Variants in ITIH2 observed in about 807,000 individuals in gnomAD.
ITIH2 encodes the protein inter-alpha-trypsin inhibitor heavy chain 2.
Under a neutral mutation model 104.4 loss-of-function variants are expected in ITIH2, and 103 were observed. That is an observed-to-expected ratio of 0.99 (90% confidence interval 0.84 to 1.16). The LOEUF (loss-of-function observed/expected upper bound fraction) is 1.16. Ranked by LOEUF, ITIH2 falls within the 50% of genes most tolerant of loss-of-function variation. The pLI is 0.00. For synonymous variants in ITIH2, 436 were observed against 435.4 expected (o/e 1.00, Z -0.02); for missense variants, 1,108 against 1,162.4 (o/e 0.95, Z 0.68).
At chr10:7,713,927 G>C (rs941961891) in intron 5 of ITIH2, among the ~76,000 whole-genome samples, 3 of 151,956 alleles carry the variant, frequency 2.0e-5, no homozygotes, top group African/African-American at 7.3e-5. Context: ...GGCCTCAAGC[G>C]ATCCTCCCAT....
At position 7,730,112 on chromosome 10, in the gene ITIH2, G is replaced by A. The variant is rs1834987809; in HGVS notation, c.1440G>A (p.Gln480=). The A allele has an allele frequency of 1.3e-6, 2 of 1,599,890 alleles. No homozygotes were observed. The highest frequency in any genetic ancestry group is 1.3e-5 in the African/African-American group (1 of 74,134). ...TTGCACAAAGGATTTATGGAAACCA[G>A]GACACGTCTTCCCAGCTTAAGGTAA... ...HGIAQRIYGN[Q]DTSSQLKKFY... Residue 480 remains glutamine, a synonymous_variant, in exon 12 of 21, where the codon CAG becomes CAA. Coordinates refer to ENST00000358415, the MANE Select transcript of ITIH2 (RefSeq NM_002216.3).
chr10:7,739,210 C>G (rs1246458405), intron 16 of ITIH2, among the ~76,000 whole-genome samples: 1 of 152,196 alleles, frequency 6.6e-6, no homozygotes, highest in East Asian at 1.9e-4. Flanking sequence ...GAGAGCGTCT[C>G]CTCTCCTGTT....
chr10:7,710,920 C>CTT (rs58634403), intron 4 of ITIH2, among the ~76,000 whole-genome samples: 15,992 of 145,734 alleles, frequency 0.11, 919 homozygotes, highest in Admixed American at 0.18. Context: ...TGTTTTCCTT[C>CTT]TTTTTTTTTT....
At position 7,727,698 on chromosome 10, in the gene ITIH2, A is replaced by C; in HGVS notation, c.1154-5A>C. The C allele has an allele frequency of 6.2e-7, 1 of 1,613,966 alleles. No homozygotes were observed. The highest frequency in any genetic ancestry group is 8.5e-7 in the Non-Finnish European group (1 of 1,179,894). On this transcript the variant is annotated splice_region_variant and splice_polypyrimidine_tract_variant and intron_variant, in intron 10 of 20. Coordinates refer to ENST00000358415, the MANE Select transcript of ITIH2 (RefSeq NM_002216.3). ...ACCCAACGTTTCATTATGCTACTTC[A>C]ACAGGCACAAACATCAACGAAGCAC... is the stretch of plus-strand genomic sequence containing the variant.
intron 20 of ITIH2, among the ~76,000 whole-genome samples, chr10:7,748,664 C>T (rs1223103254): frequency 6.7e-6 from 1 of 149,988 alleles, no homozygotes; most frequent in East Asian, 2.0e-4. Flanking sequence ...GCCTCAGCCT[C>T]CCAAGTAGCT....
At position 7,722,570 on chromosome 10, in the gene ITIH2, C is replaced by A. The variant is rs542354227; in HGVS notation, c.867+793C>A. On this transcript the variant is annotated intron_variant, in intron 8 of 20. Transcript: ENST00000358415. ...GAATTCTTGGATTCTACGGCCCCAT[C>A]TTGCTGAACCACATATGGAGCCCCA... is the stretch of plus-strand genomic sequence containing the variant. Among the ~76,000 whole-genome samples the A allele has an allele frequency of 2.6e-5, 4 of 152,328 alleles. No homozygotes were observed. The East Asian group carries it at 7.7e-4, about 29-fold the overall frequency.
chr10:7,741,183 T>G (rs1365167640), intron 16 of ITIH2, among the ~76,000 whole-genome samples: 3 of 146,200 alleles, frequency 2.1e-5, no homozygotes, highest in Non-Finnish European at 4.4e-5. Flanking sequence ...GTTTTTTTTT[T>G]TTTTTTTTTT....
At chr10:7,721,855 T>C (rs1266995940) in intron 8 of ITIH2, 78 bp downstream of exon 8, 2 of 1,516,748 alleles carry the variant, frequency 1.3e-6, no homozygotes. Context: ...CTCCCAGGCC[T>C]ATGGGTGGTT....
In ITIH2 at chr10:7,718,508, G is replaced by C. The variant is rs540576147; in HGVS notation, c.630+720G>C. Among the ~76,000 whole-genome samples, 68 of 152,142 alleles carry C rather than the reference G, an allele frequency of 4.5e-4. 4 individuals carry two copies. In the South Asian group the frequency reaches 0.012, roughly 27 times the overall value. On this transcript the variant is annotated intron_variant, in intron 6 of 20. Coordinates refer to ENST00000358415, the MANE Select transcript of ITIH2 (RefSeq NM_002216.3). ...CATCTATGAAAAGAGTACTGTAACAGACTTTTGTTTCTCAGTTATTTTTTT... is the reference window on the plus strand; with the variant it reads ...CATCTATGAAAAGAGTACTGTAACACACTTTTGTTTCTCAGTTATTTTTTT...
At position 7,738,622 on chromosome 10, in the gene ITIH2, G is replaced by A; in HGVS notation, c.1959G>A (p.Gly653=). ...APPQDPSCCS[G]ALYYGSKVVP... is the part of the protein sequence containing the mutation. ...ACAGATGCAGGTTTGTCTACGCAGG[G>A]GCCCTGTATTACGGCAGCAAAGTGG... Residue 653 remains glycine, a splice_region_variant and synonymous_variant, in exon 16 of 21, where the codon GGG becomes GGA. Coordinates refer to ENST00000358415, the MANE Select transcript of ITIH2 (RefSeq NM_002216.3). 1.2e-6 allele frequency: 2 copies of A among 1,613,288 alleles called. No homozygotes were observed. Among genetic ancestry groups the A allele is most frequent in the African/African-American group, 1.3e-5 (1 of 74,910 alleles).
At chr10:7,719,782 A>AAAAAAAAAAC (rs754890159) in intron 6 of ITIH2, among the ~76,000 whole-genome samples, 3 of 137,092 alleles carry the variant, frequency 2.2e-5, no homozygotes, top group African/African-American at 5.7e-5. Context: ...AAAAAAAAAA[A>AAAAAAAAAAC]AGAAAGAAAG....
At chr10:7,716,377 C>G (rs143052391) in intron 5 of ITIH2, among the ~76,000 whole-genome samples, 5 of 152,198 alleles carry the variant, frequency 3.3e-5, no homozygotes, top group African/African-American at 9.7e-5. Flanking sequence ...AAACCATAAA[C>G]ACCTCAAGAT....
intron 16 of ITIH2, among the ~76,000 whole-genome samples, chr10:7,741,033 G>T (rs189157403): frequency 1.3e-5 from 2 of 152,164 alleles, no homozygotes; most frequent in East Asian, 1.9e-4. Context: ...CTATCAGAAG[G>T]TCTGATTGGC....
intron 14 of ITIH2, among the ~76,000 whole-genome samples, chr10:7,733,958 T>C (rs988995187): frequency 3.3e-5 from 5 of 151,730 alleles, no homozygotes; most frequent in African/African-American, 1.2e-4. Flanking sequence ...AGAAGCACAC[T>C]AGATGTATTT....
In ITIH2 at chr10:7,744,793, T is replaced by G. The variant is rs775154335; in HGVS notation, c.2411T>G (p.Val804Gly). 6 of 1,613,124 alleles carry G rather than the reference T, an allele frequency of 3.7e-6. No homozygotes were observed. In the Admixed American group the frequency reaches 6.7e-5, roughly 18 times the overall value. The change falls in exon 19 of 21, where the codon GTG (valine) becomes GGG (glycine). Residue 804 changes from valine to glycine, a missense_variant and splice_region_variant. Val to Gly is a moderately radical substitution (Grantham distance 109). Coordinates refer to ENST00000358415, the MANE Select transcript of ITIH2 (RefSeq NM_002216.3). ...TTCCTCTTGGACTTTCACACCAGGG[T>G]GCAGATCTCAGTGAAGAAAGAAAAA... ...SDTAQVTNQR[V>G]QISVKKEKVV... is the part of the protein sequence containing the mutation.
rs375927769 is a variant in ITIH2, at chr10:7,744,954, G to C, written c.2572G>C (p.Gly858Arg). The change falls in exon 19 of 21, where the codon GGA becomes CGA. Residue 858 changes from glycine to arginine, a missense_variant. Transcript: ENST00000358415. ...PTNKFSPKAH[G>R]LIGQFMQEPK... ...AAACAAGTTCTCACCTAAAGCCCAC[G>C]GACTAATAGGTAAAGTGTCTATTGA... 1.2e-6 allele frequency: 2 copies of C among 1,613,340 alleles called. No homozygotes were observed. The highest frequency in any genetic ancestry group is 1.7e-5 in the Admixed American group (1 of 59,966).
At chr10:7,727,394 CT>C (rs1834960297) in intron 10 of ITIH2, among the ~76,000 whole-genome samples, 1 of 152,196 alleles carries the variant, frequency 6.6e-6, no homozygotes, top group South Asian at 2.1e-4. Context: ...TAAAATGTTA[CT>C]ATCTTCAGAG....
At chr10:7,747,938 G>A (rs1835195271) in intron 20 of ITIH2, among the ~76,000 whole-genome samples, 1 of 151,706 alleles carries the variant, frequency 6.6e-6, no homozygotes, top group African/African-American at 2.4e-5. Context: ...AGGCGCAGTG[G>A]CTCACGCCTG....
chr10:7,743,538 C>T (rs1019838973), intron 17 of ITIH2, among the ~76,000 whole-genome samples: 4 of 152,086 alleles, frequency 2.6e-5, no homozygotes, highest in African/African-American at 9.6e-5. Flanking sequence ...CTTTGGGAGG[C>T]CGAGGTGGGC....
Sources: gnomAD v4.1 joint callset for allele counts (sites outside exome capture counted in the v4.1 genomes callset) on GRCh38, gnomAD v4.1.1 for gene constraint, MANE v1.5 for transcripts, NCBI Gene and HGNC (gene_info 2026-07-23, HGNC 2026-07-21) for gene names.